Variants in NBPF9 observed in about 807,000 individuals in gnomAD.
NBPF9 encodes NBPF member 9.
NBPF9 carries 91 observed loss-of-function variants against 97.8 expected under a neutral mutation model. The observed-to-expected ratio is 0.93, with a 90% CI of 0.79 to 1.11. The LOEUF is 1.11. NBPF9 is among the 50% of genes least tolerant of loss of function. NBPF9 has a pLI of 0.00. For synonymous variants in NBPF9, 334 were observed against 359.5 expected (o/e 0.93, Z 0.80); for missense variants, 992 against 939.5 (o/e 1.06, Z -0.73).
intron 14 of NBPF9, among the ~76,000 whole-genome samples, chr1:149,072,502 T>G (rs1553653173): frequency 6.6e-6 from 1 of 152,114 alleles, no homozygotes; most frequent in African/African-American, 2.4e-5. Context: ...AAAGACCACC[T>G]TCCATCAAGG....
At chr1:149,079,246 T>G in intron 8 of NBPF9, 25 bp from the exon 9 acceptor site, 2 of 892,144 alleles carry the variant, frequency 2.2e-6, no homozygotes, top group Non-Finnish European at 3.8e-6. Context: ...TAGAGAAAAT[T>G]TAAGAGTAGA....
Position 149,059,208 on chromosome 1 carries a change from A to G in NBPF9, c.2586-111T>C, listed in dbSNP as rs1465215000. On this transcript the variant is annotated intron_variant, in intron 25 of 29. Transcript: ENST00000584027. ...AACTGTTTAAAAAGAAAAAGGACAG[A>G]TCCATTAATGAGGTAATGAATTATT... The G allele has an allele frequency of 2.5e-5, 11 of 438,700 alleles. 2 individuals are homozygous for G. The Admixed American group carries it at 3.8e-4, about 15-fold the overall frequency. 27.2% of individuals were successfully genotyped at this position (438,700 alleles called of 1,614,324 possible).
At position 149,082,124 on chromosome 1, in the gene NBPF9, C is replaced by T. The variant is rs782213883; in HGVS notation, c.16G>A (p.Gly6Ser). Residue 6 changes from glycine to serine, a missense_variant, in exon 7 of 30, where the codon GGC becomes AGC. Coordinates refer to ENST00000584027, the Ensembl canonical transcript of NBPF9. ...TCTGCCTTCTCGCTGGACCAAGGGC[C>T]GGCTGATACCACCATGCTGACGTTT... 5.3e-4 allele frequency: 858 copies of T among 1,611,852 alleles called. 6 individuals carry two copies. The South Asian group carries it at 6.8e-3, about 13-fold the overall frequency.
At chr1:149,088,053 C>A (rs1553659136) in intron 5 of NBPF9, among the ~76,000 whole-genome samples, 1 of 151,852 alleles carries the variant, frequency 6.6e-6, no homozygotes, top group East Asian at 1.9e-4. Context: ...TGATGGTCTC[C>A]ATCTCCTGAC....
At position 149,061,039 on chromosome 1, in the gene NBPF9, G is replaced by C. The variant is rs2078563745; in HGVS notation, c.2303+293C>G. Reference sequence around the variant, plus strand: ...AGGACACACAGCATACAGGGATCATGAAAAGACTGAGCTCAATAATTTTCC... The same window carrying C: ...AGGACACACAGCATACAGGGATCATCAAAAGACTGAGCTCAATAATTTTCC... On this transcript the variant is annotated intron_variant, in intron 23 of 29. Transcript: ENST00000584027. 7.2e-6 allele frequency: 3 copies of C among 418,502 alleles called. 1 individual carries two copies. The African/African-American group carries it at 7.7e-5, about 11-fold the overall frequency. 25.9% of individuals were successfully genotyped at this position (418,502 alleles called of 1,614,324 possible).
intron 5 of NBPF9, among the ~76,000 whole-genome samples, chr1:149,082,855 C>G (rs2080607063): frequency 1.3e-5 from 2 of 148,402 alleles, no homozygotes; most frequent in African/African-American, 4.9e-5. Context: ...TCTAGGCTCA[C>G]TGCAAGCTCT....
intron 5 of NBPF9, among the ~76,000 whole-genome samples, chr1:149,085,082 ACAC>A (rs1483403458): frequency 6.6e-6 from 1 of 151,716 alleles, no homozygotes; most frequent in Non-Finnish European, 1.5e-5. Flanking sequence ...TCACATACAC[ACAC>A]CATTTTAATT....
At chr1:149,103,014 C>G (rs1245689515) in intron 1 of NBPF9, among the ~76,000 whole-genome samples, 167 bp from the exon 2 acceptor site, 8 of 151,818 alleles carry the variant, frequency 5.3e-5, no homozygotes, top group Non-Finnish European at 1.0e-4. Flanking sequence ...GAGGACGTGC[C>G]CCCGAAGCTG....
At position 149,059,952 on chromosome 1, in the gene NBPF9, A is replaced by G. The variant is rs1481418122; in HGVS notation, c.2477-144T>C. ...TGAGAGATATATTTCAGGAGGCCTG[A>G]AGGCTGGTTATGATAGAAATTCCTC... On this transcript the variant is annotated intron_variant, in intron 24 of 29. Coordinates refer to ENST00000584027, the Ensembl canonical transcript of NBPF9. 4.2e-5 allele frequency: 18 copies of G among 424,176 alleles called. 2 individuals are homozygous for G. In the East Asian group the frequency reaches 5.0e-4, roughly 12 times the overall value. The allele number at this position is 424,176 out of a possible 1,614,324, so 26.3% of individuals were successfully genotyped here.
At chr1:149,058,289 C>G (rs1293302493) in intron 26 of NBPF9, 74 bp from the exon 27 acceptor site, 2 of 354,462 alleles carry the variant, frequency 5.6e-6, no homozygotes, top group African/African-American at 1.1e-4. Flanking sequence ...CTGTCTAATC[C>G]CCACACAGGG....
chr1:149,080,694 G>T (rs1195062929), intron 7 of NBPF9, among the ~76,000 whole-genome samples: 2 of 145,060 alleles, frequency 1.4e-5, no homozygotes, highest in African/African-American at 5.2e-5. Flanking sequence ...AGACAATAAG[G>T]CCATGAAGGA....
At chr1:149,053,956 G>C (rs1388476513), downstream of NBPF9, 4 of 146,892 alleles carry the variant, frequency 2.7e-5, no homozygotes, top group African/African-American at 1.0e-4. Context: ...CAAATGACTA[G>C]AACCAAGAAA....
At chr1:149,087,332 TACACAC>T (rs1199735548) in intron 5 of NBPF9, among the ~76,000 whole-genome samples, 3 of 147,104 alleles carry the variant, frequency 2.0e-5, no homozygotes, top group African/African-American at 5.1e-5. Flanking sequence ...TATATATATA[TACACAC>T]ACACACACAC....
intron 16 of NBPF9, among the ~76,000 whole-genome samples, chr1:149,070,285 T>C (rs592191): frequency 8.2e-4 from 117 of 142,512 alleles, no homozygotes; most frequent in African/African-American, 2.9e-3. Flanking sequence ...GGTGCCACTG[T>C]ACTCCAGCCT....
intron 11 of NBPF9, among the ~76,000 whole-genome samples, chr1:149,076,929 G>A (rs1343359028): frequency 1.3e-5 from 2 of 151,344 alleles, no homozygotes; most frequent in African/African-American, 4.8e-5. Context: ...TGAGCAGTTG[G>A]GACTATAGGC....
At chr1:149,087,828 CTTT>C (rs60084667) in intron 5 of NBPF9, among the ~76,000 whole-genome samples, 1 of 88,552 alleles carries the variant, frequency 1.1e-5, no homozygotes, top group Non-Finnish European at 2.1e-5. Flanking sequence ...GTTGACTTTC[CTTT>C]TTTTTTTTTT....
At chr1:149,095,665 T>TA in intron 4 of NBPF9, among the ~76,000 whole-genome samples, 1 of 148,470 alleles carries the variant, frequency 6.7e-6, no homozygotes, top group African/African-American at 2.5e-5. Context: ...AACACCTCAT[T>TA]AATAAGATAT....
chr1:149,086,582 C>G (rs1211979113), intron 5 of NBPF9, among the ~76,000 whole-genome samples: 2 of 152,090 alleles, frequency 1.3e-5, no homozygotes, highest in Non-Finnish European at 2.9e-5. Flanking sequence ...AACTGAGGTT[C>G]CAGAGGAAGG....
At chr1:149,081,354 G>T (rs587680660) in intron 7 of NBPF9, among the ~76,000 whole-genome samples, 2 of 151,800 alleles carry the variant, frequency 1.3e-5, no homozygotes, top group African/African-American at 4.8e-5. Context: ...TGCTGACCTC[G>T]TGCTCTGCCC....
Sources: gnomAD v4.1 joint callset for allele counts (sites outside exome capture counted in the v4.1 genomes callset) on GRCh38, gnomAD v4.1.1 for gene constraint, MANE v1.5 for transcripts, NCBI Gene and HGNC (gene_info 2026-07-23, HGNC 2026-07-21) for gene names.